Variants in ZNF469 observed in about 807,000 individuals in gnomAD.
ZNF469 encodes the protein zinc finger protein 469.
ZNF469 carries 1 observed loss-of-function variant against 1.0 expected under a neutral mutation model. That is an observed-to-expected ratio of 1.00 (90% CI 0.35 to 4.73). The LOEUF is 4.73. Among genes scored for constraint, ZNF469 ranks in the 30% most tolerant of loss-of-function variants. The pLI is 0.16. For missense variants in ZNF469, 6,100 were observed against 5,356.3 expected (o/e 1.14, Z -4.33); for synonymous variants, 2,703 against 2,363.4 (o/e 1.14, Z -4.17).
the ZNF469 span, among the ~76,000 whole-genome samples, chr16:88,198,222 G>A: frequency 1.3e-5 from 2 of 152,228 alleles, no homozygotes; most frequent in African/African-American, 2.4e-5. Context: ...CCCACATCAC[G>A]TGCACTGAAG....
the ZNF469 span, among the ~76,000 whole-genome samples, chr16:88,150,197 C>A: frequency 6.6e-6 from 1 of 152,196 alleles, no homozygotes; most frequent in East Asian, 1.9e-4. Context: ...GTAATCCCAG[C>A]TACTTGGGAA....
At chr16:88,116,660 C>T in the ZNF469 span, among the ~76,000 whole-genome samples, 2 of 152,206 alleles carry the variant, frequency 1.3e-5, no homozygotes, top group African/African-American at 4.8e-5. Flanking sequence ...ACAAACAGAC[C>T]AGCTGCACAC....
chr16:88,314,600 C>A, the ZNF469 span, among the ~76,000 whole-genome samples: 2 of 150,924 alleles, frequency 1.3e-5, no homozygotes, highest in Non-Finnish European at 2.9e-5. Context: ...GGACTGTCAT[C>A]TCTGTGATTC....
chr16:88,305,682 A>G, the ZNF469 span, among the ~76,000 whole-genome samples: 4 of 152,200 alleles, frequency 2.6e-5, no homozygotes, highest in Non-Finnish European at 5.9e-5. Context: ...ACACATGCTC[A>G]CATGCACACG....
intron 1 of ZNF469, among the ~76,000 whole-genome samples, chr16:88,417,459 G>A (rs866987235): frequency 1.3e-5 from 2 of 152,184 alleles, no homozygotes; most frequent in African/African-American, 4.8e-5. Flanking sequence ...TGGACGAGCC[G>A]TCTCAGCCTT....
At chr16:88,274,005 A>T in the ZNF469 span, among the ~76,000 whole-genome samples, 1 of 152,070 alleles carries the variant, frequency 6.6e-6, no homozygotes, top group Admixed American at 6.6e-5. Flanking sequence ...GGGTTTCACC[A>T]TATCGGCCAT....
chr16:88,118,144 T>C, the ZNF469 span, among the ~76,000 whole-genome samples: 1 of 152,202 alleles, frequency 6.6e-6, no homozygotes, highest in East Asian at 1.9e-4. Context: ...GGTTTTGCCA[T>C]GTTGGCCAGG....
At chr16:88,427,166 T>C (rs1447389060) in intron 2 of ZNF469, among the ~76,000 whole-genome samples, 179 bp from the exon 3 acceptor site, 1 of 152,056 alleles carries the variant, frequency 6.6e-6, no homozygotes, top group Non-Finnish European at 1.5e-5. Context: ...TCTCCCTTCC[T>C]GCTTCTAGGT....
the ZNF469 span, among the ~76,000 whole-genome samples, chr16:88,282,731 G>A: frequency 2.0e-5 from 3 of 152,176 alleles, no homozygotes; most frequent in Non-Finnish European, 4.4e-5. Context: ...TTGTCAGCAC[G>A]TCTCACCCGT....
the ZNF469 span, among the ~76,000 whole-genome samples, chr16:88,325,264 C>CGACAGCAG: frequency 1.7e-4 from 25 of 148,092 alleles, no homozygotes; most frequent in Admixed American, 3.4e-4. Context: ...CCAGGTGGTC[C>CGACAGCAG]CTACAGGCTC....
the ZNF469 span, among the ~76,000 whole-genome samples, chr16:88,115,123 T>A: frequency 4.6e-5 from 7 of 152,166 alleles, 1 homozygote; most frequent in South Asian, 1.2e-3. Context: ...TGCTGCCTGG[T>A]CTGTGCCGGG....
At chr16:88,208,803 A>ACTCT in the ZNF469 span, among the ~76,000 whole-genome samples, 292 of 123,646 alleles carry the variant, frequency 2.4e-3, 2 homozygotes, top group African/African-American at 8.3e-3. Flanking sequence ...ACACACACAC[A>ACTCT]CTCTCTCTCT....
chr16:88,418,840 G>A (rs1033380799), intron 1 of ZNF469, among the ~76,000 whole-genome samples: 4 of 152,340 alleles, frequency 2.6e-5, no homozygotes, highest in Non-Finnish European at 5.9e-5. Context: ...TAAGCAAAGC[G>A]GCAGCGTTTG....
At chr16:88,351,933 C>T in the ZNF469 span, among the ~76,000 whole-genome samples, 126 of 152,308 alleles carry the variant, frequency 8.3e-4, no homozygotes, top group Non-Finnish European at 1.5e-3. Flanking sequence ...AGAAACACGA[C>T]GTGTCCCACG....
At chr16:88,296,418 TCACA>T in the ZNF469 span, among the ~76,000 whole-genome samples, 1 of 151,306 alleles carries the variant, frequency 6.6e-6, no homozygotes, top group Non-Finnish European at 1.5e-5. Flanking sequence ...ACACCCATGC[TCACA>T]CACATACATG....
chr16:88,208,644 G>A, the ZNF469 span, among the ~76,000 whole-genome samples: 1 of 134,278 alleles, frequency 7.4e-6, no homozygotes, highest in Non-Finnish European at 1.6e-5. Flanking sequence ...AGAGAAGAAG[G>A]AAGAAGAGAT....
At chr16:88,354,737 C>T in the ZNF469 span, among the ~76,000 whole-genome samples, 1 of 152,220 alleles carries the variant, frequency 6.6e-6, no homozygotes, top group Non-Finnish European at 1.5e-5. Flanking sequence ...CCCAAGCGGA[C>T]CAGGCTCCCA....
At chr16:88,158,749 G>C in the ZNF469 span, among the ~76,000 whole-genome samples, 1 of 152,222 alleles carries the variant, frequency 6.6e-6, no homozygotes, top group Non-Finnish European at 1.5e-5. Flanking sequence ...AGCAGCTCCT[G>C]CCCTCCCTGG....
chr16:88,265,225 C>T, the ZNF469 span, among the ~76,000 whole-genome samples: 1 of 152,232 alleles, frequency 6.6e-6, no homozygotes, highest in East Asian at 1.9e-4. Context: ...CAGCTCCCTC[C>T]TCCTCCAGGG....
Sources: allele counts gnomAD v4.1 joint callset (sites outside exome capture counted in the v4.1 genomes callset), GRCh38; gene constraint gnomAD v4.1.1; transcripts MANE v1.5; gene names NCBI Gene and HGNC (gene_info 2026-07-23, HGNC 2026-07-21).